The following DNM3 variants were observed in gnomAD, a reference collection of about 807,000 sequenced individuals.
DNM3 encodes the protein dynamin-3.
In DNM3, 47 loss-of-function variants were observed where a neutral mutation model predicts 101.6. The observed-to-expected ratio is 0.46, with a 90% confidence interval of 0.37 to 0.59. DNM3 has a LOEUF of 0.59. Ranked by LOEUF, DNM3 falls within the 20% of genes least tolerant of loss-of-function variation. DNM3 has a pLI of 0.00. For missense variants in DNM3, 849 were observed against 1,085.7 expected (o/e 0.78, Z 3.06); for synonymous variants, 385 against 387.9 (o/e 0.99, Z 0.09).
chr1:172,097,493 C>T (rs181600787), intron 13 of DNM3, among the ~76,000 whole-genome samples: 1 of 152,160 alleles, frequency 6.6e-6, no homozygotes, highest in Admixed American at 6.5e-5. Context: ...GTTCAGGACT[C>T]ATGTACACTG....
In DNM3 at chr1:172,281,912, C is replaced by T. The variant is rs919181101; in HGVS notation, c.1770-26816C>T. 2.0e-5 allele frequency among the ~76,000 whole-genome samples: 3 copies of T among 152,054 alleles called. No homozygotes were observed. The East Asian group carries it at 5.8e-4, about 29-fold the overall frequency. ...CAGTACCCCATAAATATGTATAACT[C>T]TTATGTATTTACAAAAATTAAAAAA... On this transcript the variant is annotated intron_variant, in intron 15 of 20. Transcript: ENST00000627582.
intron 13 of DNM3, among the ~76,000 whole-genome samples, chr1:172,109,530 T>C (rs927834761): frequency 1.3e-5 from 2 of 152,234 alleles, no homozygotes; most frequent in African/African-American, 4.8e-5. Flanking sequence ...CTTGTGCGTC[T>C]CCTCTTCCTG....
chr1:172,183,291 G>T (rs1451004005), intron 14 of DNM3, among the ~76,000 whole-genome samples: 1 of 152,084 alleles, frequency 6.6e-6, no homozygotes, highest in African/African-American at 2.4e-5. Flanking sequence ...TTCTGGGAAA[G>T]TTCAATATAT....
At chr1:172,300,611 T>C (rs887786189) in intron 15 of DNM3, among the ~76,000 whole-genome samples, 1 of 152,196 alleles carries the variant, frequency 6.6e-6, no homozygotes, top group Admixed American at 6.5e-5. Context: ...GCTAGCCATA[T>C]GCAAAAGAAT....
chr1:172,083,649 A>G (rs186029051), intron 12 of DNM3, among the ~76,000 whole-genome samples: 4 of 152,330 alleles, frequency 2.6e-5, no homozygotes, highest in Non-Finnish European at 5.9e-5. Context: ...ATTTAAACAT[A>G]TTATATAACC....
chr1:171,894,972 G>A (rs12021814), intron 1 of DNM3, among the ~76,000 whole-genome samples: 39,535 of 152,022 alleles, frequency 0.26, 5,663 homozygotes, highest in Admixed American at 0.34. Flanking sequence ...TGAACTCATC[G>A]TTTTATATGG....
chr1:171,949,640 T>TGTTG (rs1340278271), intron 2 of DNM3, among the ~76,000 whole-genome samples: 6 of 151,874 alleles, frequency 4.0e-5, no homozygotes, highest in Non-Finnish European at 8.8e-5. Flanking sequence ...GGTCTTGAAC[T>TGTTG]CCTGGGCTCA....
At chr1:171,902,321 C>T (rs925533240) in intron 1 of DNM3, among the ~76,000 whole-genome samples, 3 of 152,158 alleles carry the variant, frequency 2.0e-5, no homozygotes, top group Non-Finnish European at 4.4e-5. Context: ...TCTTTGAGAA[C>T]TGCCAATGAA....
intron 4 of DNM3, among the ~76,000 whole-genome samples, chr1:172,023,565 T>A (rs2047988969): frequency 6.6e-6 from 1 of 152,168 alleles, no homozygotes; most frequent in East Asian, 1.9e-4. Context: ...TTTCTTTAAC[T>A]TCTCTGGAAA....
chr1:172,087,884 T>C lies in DNM3; in HGVS notation c.1494-4940T>C, dbSNP rs117263102. 7.0e-4 allele frequency among the ~76,000 whole-genome samples: 106 copies of C among 152,344 alleles called. No homozygotes were observed. In the East Asian group the frequency reaches 0.019, roughly 27 times the overall value. ...TTGTTTACCTCTTCAGCCTATTCTATTGTTACTATTCCTTTCTACTCTACT... is the reference window on the plus strand; with the variant it reads ...TTGTTTACCTCTTCAGCCTATTCTACTGTTACTATTCCTTTCTACTCTACT... On this transcript the variant is annotated intron_variant, in intron 12 of 20. Coordinates refer to ENST00000627582, the MANE Select transcript of DNM3 (RefSeq NM_015569.5).
intron 10 of DNM3, among the ~76,000 whole-genome samples, chr1:172,051,103 C>A (rs554062944): frequency 6.6e-6 from 1 of 152,240 alleles, no homozygotes; most frequent in South Asian, 2.1e-4. Flanking sequence ...TAGCTTTTCC[C>A]CTGAGGTTAC....
chr1:171,887,365 A>G (rs541855408), intron 1 of DNM3, among the ~76,000 whole-genome samples: 1 of 152,328 alleles, frequency 6.6e-6, no homozygotes, highest in East Asian at 1.9e-4. Flanking sequence ...AATACAGACA[A>G]TATCTGTTCT....
chr1:172,416,293 C>T (rs1055376351), downstream of DNM3, among the ~76,000 whole-genome samples: 36 of 152,104 alleles, frequency 2.4e-4, no homozygotes, highest in African/African-American at 8.5e-4. Flanking sequence ...TTAAGCATTT[C>T]GGCACTGTGT....
chr1:172,287,733 T>C (rs2148808054), intron 15 of DNM3, among the ~76,000 whole-genome samples: 1 of 151,746 alleles, frequency 6.6e-6, no homozygotes, highest in Non-Finnish European at 1.5e-5. Flanking sequence ...TGCATTGATC[T>C]TTGAGGATGC....
At chr1:171,888,301 A>G (rs188805528) in intron 1 of DNM3, among the ~76,000 whole-genome samples, 1 of 152,308 alleles carries the variant, frequency 6.6e-6, no homozygotes, top group Admixed American at 6.5e-5. Flanking sequence ...AACCAAGGTC[A>G]AATGAAATTC....
intron 4 of DNM3, among the ~76,000 whole-genome samples, chr1:171,990,282 C>G (rs1288061834): frequency 6.6e-6 from 1 of 152,012 alleles, no homozygotes; most frequent in Non-Finnish European, 1.5e-5. Flanking sequence ...GCCGCTTGTT[C>G]GTGCATGAGA....
At chr1:172,071,119 A>ATATATATATATATATATATATATG (rs1553362100) in intron 11 of DNM3, among the ~76,000 whole-genome samples, 1 of 125,150 alleles carries the variant, frequency 8.0e-6, no homozygotes, top group Non-Finnish European at 1.7e-5. Flanking sequence ...ATATATATAT[A>ATATATATATATATATATATATATG]TCTTAGTTCT....
At position 172,233,020 on chromosome 1, in the gene DNM3, G is replaced by A. The variant is rs199663566; in HGVS notation, c.1660-20553G>A. ...AAACACATTCAAAAGCTAGCAGAAG[G>A]CAAGAAATAACTAAGATCAGAGCAG... On this transcript the variant is annotated intron_variant, in intron 14 of 20. Coordinates refer to ENST00000627582, the MANE Select transcript of DNM3 (RefSeq NM_015569.5). Among the ~76,000 whole-genome samples, 537 of 152,112 alleles carry A rather than the reference G, an allele frequency of 3.5e-3. 11 individuals are homozygous for A. Among genetic ancestry groups the A allele is most frequent in the East Asian group, 0.034 (175 of 5,172 alleles).
chr1:172,240,710 G>A (rs1016251635), intron 14 of DNM3, among the ~76,000 whole-genome samples: 4 of 152,126 alleles, frequency 2.6e-5, no homozygotes, highest in African/African-American at 7.2e-5. Flanking sequence ...TTAATGTGAA[G>A]CCACATAAGT....
Sources: gnomAD v4.1 joint callset for allele counts (sites outside exome capture counted in the v4.1 genomes callset) on GRCh38, gnomAD v4.1.1 for gene constraint, MANE v1.5 for transcripts, NCBI Gene and HGNC (gene_info 2026-07-23, HGNC 2026-07-21) for gene names.